The following C6orf132 variants were observed in gnomAD, a reference collection of about 807,000 sequenced individuals.
C6orf132 encodes the protein chromosome 6 open reading frame 132, also known as uncharacterized protein C6orf132.
C6orf132 carries 43 observed loss-of-function variants against 65.3 expected under a neutral mutation model. That is an observed-to-expected ratio of 0.66 (90% confidence interval 0.52 to 0.85). C6orf132 has a LOEUF of 0.85. Ranked by LOEUF, C6orf132 falls within the 40% of genes least tolerant of loss-of-function variation. The pLI is 0.00. For missense variants in C6orf132, 1,488 were observed against 1,548.8 expected, an observed-to-expected ratio of 0.96 and a Z score of 0.66; for synonymous variants, 631 against 654.1, an observed-to-expected ratio of 0.96 and a Z score of 0.54.
chr6:42,128,100 T>TTTTG (rs1554182883), intron 2 of C6orf132, among the ~76,000 whole-genome samples: 1 of 151,388 alleles, frequency 6.6e-6, no homozygotes, highest in Admixed American at 6.6e-5. Context: ...TTTTTTTTTT[T>TTTTG]TATATTTAGT....
chr6:42,126,558 C>T (rs1766768213), intron 2 of C6orf132: 1 of 185,192 alleles, frequency 5.4e-6, no homozygotes, highest in Admixed American at 6.1e-5. Flanking sequence ...TAGAGTATTT[C>T]AGGCTGGGCG....
intron 2 of C6orf132, among the ~76,000 whole-genome samples, chr6:42,110,524 ATAGTAT>A (rs374997189): frequency 5.8e-4 from 88 of 152,394 alleles, no homozygotes; most frequent in Middle Eastern, 6.8e-3. Context: ...TGCAATGAAC[ATAGTAT>A]TAGTAAATAC....
At chr6:42,130,017 A>G (rs1766826902) in intron 1 of C6orf132, among the ~76,000 whole-genome samples, 1 of 152,180 alleles carries the variant, frequency 6.6e-6, no homozygotes, top group African/African-American at 2.4e-5. Flanking sequence ...TAGCCGCAGC[A>G]CCCCATGCGA....
At chr6:42,131,679 C>T (rs909152950) in intron 1 of C6orf132, among the ~76,000 whole-genome samples, 1 of 152,204 alleles carries the variant, frequency 6.6e-6, no homozygotes, top group Non-Finnish European at 1.5e-5. Flanking sequence ...AGGATGGAGT[C>T]GGATCTGAAC....
intron 2 of C6orf132, among the ~76,000 whole-genome samples, chr6:42,123,100 G>A (rs1354645844): frequency 2.0e-5 from 3 of 152,224 alleles, no homozygotes; most frequent in African/African-American, 4.8e-5. Flanking sequence ...CAGAGGGACA[G>A]GCCGGGCGCG....
chr6:42,130,338 G>A (rs1766831985), intron 1 of C6orf132, among the ~76,000 whole-genome samples: 1 of 152,216 alleles, frequency 6.6e-6, no homozygotes, highest in Non-Finnish European at 1.5e-5. Flanking sequence ...TGTAAGATCT[G>A]ACTCAATGGG....
rs1216880822 is a variant in C6orf132, at chr6:42,104,916, G to A, written c.2996C>T (p.Pro999Leu). 1.4e-6 allele frequency: 2 copies of A among 1,454,890 alleles called. No homozygotes were observed. Among genetic ancestry groups the A allele is most frequent in the South Asian group, 2.8e-5 (2 of 71,170 alleles). 90.1% of individuals were successfully genotyped at this position (1,454,890 alleles called of 1,614,324 possible). A position where few individuals can be genotyped will look rare whatever the true frequency, so the allele number is the denominator to read the frequency against. Residue 999 changes from proline to leucine, a missense_variant, in exon 4 of 5, where the codon CCG becomes CTG. By Grantham distance (98) the Pro-to-Leu change is moderately conservative. Coordinates refer to ENST00000341865, the MANE Select transcript of C6orf132 (RefSeq NM_001164446.3). The surrounding 1 kb of genome is among the most constrained non-coding windows in gnomAD (Gnocchi z 4.1). ...GCCCAGATACTGGAGGGCCGGGGCC[G>A]GGGGCTCAGGGTCATTGCTGAACTC... ...PPEFSNDPEP[P>L]APALQYLGRQ...
chr6:42,104,623 C>A lies in C6orf132; in HGVS notation c.3289G>T (p.Gly1097Ter). Reference protein sequence around the residue: ...SSPNCFGPQPGGPEMRRVNSA... With the variant: ...SSPNCFGPQP ...TTCACGCGCCGCATCTCGGGGCCTCCGGGCTGCGGCCCGAAGCAGTTGGGA... is the reference window on the plus strand; with the variant it reads ...TTCACGCGCCGCATCTCGGGGCCTCAGGGCTGCGGCCCGAAGCAGTTGGGA... The change falls in exon 4 of 5, where the codon GGA becomes TGA. Residue 1097 changes from glycine to a stop codon, truncating the protein, a stop_gained. Coordinates refer to ENST00000341865, the MANE Select transcript of C6orf132 (RefSeq NM_001164446.3). LOFTEE classifies it high-confidence loss of function. This position sits in a 1 kb window ranked among gnomAD's most constrained non-coding sequence, Gnocchi z 4.1. 1 of 1,382,496 alleles carries A rather than the reference C, an allele frequency of 7.2e-7. No individual in the cohort carries two copies. Among genetic ancestry groups the A allele is most frequent in the Non-Finnish European group, 9.3e-7 (1 of 1,074,350 alleles). The allele number at this position is 1,382,496 out of a possible 1,614,324, so 85.6% of individuals were successfully genotyped here. A position where few individuals can be genotyped will look rare whatever the true frequency, so the allele number is the denominator to read the frequency against.
At chr6:42,126,867 A>C in intron 2 of C6orf132, 1 of 447,190 alleles carries the variant, frequency 2.2e-6, no homozygotes. Flanking sequence ...AAAAAAGAAT[A>C]TTTCAAACAA....
At chr6:42,118,311 C>G (rs1403161890) in intron 2 of C6orf132, among the ~76,000 whole-genome samples, 1 of 152,106 alleles carries the variant, frequency 6.6e-6, no homozygotes, top group Admixed American at 6.5e-5. Flanking sequence ...TTTCCAGGAG[C>G]CCCAGACCAG....
rs966627189 is a variant in C6orf132 at position 42,110,250 on chromosome 6, C to T, written c.294G>A (p.Ser98=). The change falls in exon 3 of 5, where the codon TCG becomes TCA. Residue 98 remains serine, a synonymous_variant. Coordinates refer to ENST00000341865, the MANE Select transcript of C6orf132 (RefSeq NM_001164446.3). Reference sequence around the variant, plus strand: ...CTTTGTCTGCAAAATCATCTGGAACCGAGGGGGTGGGCACAGCCAGCCCAT... The same window carrying T: ...CTTTGTCTGCAAAATCATCTGGAACTGAGGGGGTGGGCACAGCCAGCCCAT... The part of the protein sequence containing the change: ...ENHGLAVPTP[S]VPDDFADKEV... 1.6e-5 allele frequency: 24 copies of T among 1,547,864 alleles called. 1 individual carries two copies. Among genetic ancestry groups the T allele is most frequent in the Admixed American group, 5.9e-5 (3 of 50,440 alleles).
Position 42,105,006 on chromosome 6 carries a change from G to A in C6orf132, c.2906C>T (p.Ser969Phe). 6.5e-7 allele frequency: 1 copy of A among 1,526,972 alleles called. No individual in the cohort carries two copies. Among genetic ancestry groups the A allele is most frequent in the African/African-American group, 1.4e-5 (1 of 72,368 alleles). The allele number at this position is 1,526,972 out of a possible 1,614,324, so 94.6% of individuals were successfully genotyped here. The change falls in exon 4 of 5, where the codon TCT (serine) becomes TTT (phenylalanine). Residue 969 changes from serine (S) to phenylalanine (F), a missense_variant. Physicochemically the swap from Ser to Phe is radical, Grantham distance 155. Transcript: ENST00000341865. ...PLPKSFSSPP[S>F]PSNKREEEEE... Reference sequence around the variant, plus strand: ...CTCCTCCTCCCTCTTGTTCGAAGGAGAAGGTGGGGAGGAGAAGGACTTGGG... The same window carrying A: ...CTCCTCCTCCCTCTTGTTCGAAGGAAAAGGTGGGGAGGAGAAGGACTTGGG...
Position 42,105,592 on chromosome 6 carries a change from G to A in C6orf132, c.2320C>T (p.His774Tyr). The part of the protein sequence containing the change: ...EVPCLYKPHC[H>Y]QSSLSREVAV... ...ACCTCACGGCTGAGGCTGCTCTGGT[G>A]GCAGTGGGGCTTGTAGAGACATGGC... Residue 774 changes from histidine (H) to tyrosine (Y), a missense_variant, in exon 4 of 5, where the codon CAC becomes TAC. Coordinates refer to ENST00000341865, the MANE Select transcript of C6orf132 (RefSeq NM_001164446.3). 1 of 1,536,840 alleles carries A rather than the reference G, an allele frequency of 6.5e-7. No individual in the cohort carries two copies. Among genetic ancestry groups the A allele is most frequent in the Non-Finnish European group, 8.7e-7 (1 of 1,146,898 alleles).
At chr6:42,138,696 C>CG (rs1299146274) in intron 1 of C6orf132, among the ~76,000 whole-genome samples, 2 of 152,096 alleles carry the variant, frequency 1.3e-5, no homozygotes, top group African/African-American at 4.8e-5. Context: ...TTGCTGGTGG[C>CG]GGGTGCAGCG....
At position 42,104,336 on chromosome 6, in the gene C6orf132, C is replaced by A. The variant is rs1040833116; in HGVS notation, c.3449+127G>T. Reference sequence around the variant, plus strand: ...TCCCGGTAAGTGGGCCTCCCTCCCGCGTTCTACCTGCAAGGCCGAAGGGAG... The same window carrying A: ...TCCCGGTAAGTGGGCCTCCCTCCCGAGTTCTACCTGCAAGGCCGAAGGGAG... On this transcript the variant is annotated intron_variant, in intron 4 of 4. Coordinates refer to ENST00000341865, the MANE Select transcript of C6orf132 (RefSeq NM_001164446.3). This position sits in a 1 kb window ranked among gnomAD's most constrained non-coding sequence, Gnocchi z 4.1. 2 of 1,220,532 alleles carry A rather than the reference C, an allele frequency of 1.6e-6. No homozygotes were observed. Among genetic ancestry groups the A allele is most frequent in the Admixed American group, 4.3e-5 (1 of 23,420 alleles). 75.6% of individuals were successfully genotyped at this position (1,220,532 alleles called of 1,614,324 possible).
chr6:42,115,353 A>T (rs1166038585), intron 2 of C6orf132, among the ~76,000 whole-genome samples: 1 of 151,802 alleles, frequency 6.6e-6, no homozygotes, highest in East Asian at 1.9e-4. Context: ...GTACATTTTA[A>T]AATGGTTAAA....
chr6:42,106,957 C>G lies in C6orf132; in HGVS notation c.955G>C (p.Glu319Gln), dbSNP rs1318820834. The G allele has an allele frequency of 7.8e-6, 12 of 1,536,094 alleles. No individual in the cohort carries two copies. The African/African-American group carries it at 1.5e-4, about 19-fold the overall frequency. ...PVRTSSIPVQ[E>Q]AQEAPRKEEG... is the part of the protein sequence containing the mutation. ...TCCTTTCGGGGAGCCTCTTGTGCTT[C>G]CTGAACTGGGATGGACGAAGTCCTG... is the stretch of plus-strand genomic sequence containing the variant. The change falls in exon 4 of 5, where the codon GAA becomes CAA. Residue 319 changes from glutamate to glutamine, a missense_variant. Transcript: ENST00000341865.
intron 2 of C6orf132, among the ~76,000 whole-genome samples, chr6:42,115,169 A>C (rs1766546599): frequency 6.6e-6 from 1 of 151,382 alleles, no homozygotes; most frequent in South Asian, 2.1e-4. Flanking sequence ...AGGCACCTGT[A>C]ATCCCAGCTA....
rs924486706 is a variant in C6orf132, at chr6:42,106,868, G to A, written c.1044C>T (p.Pro348=). 16 of 1,535,364 alleles carry A rather than the reference G, an allele frequency of 1.0e-5. No individual in the cohort carries two copies. The highest frequency in any genetic ancestry group is 8.2e-5 in the African/African-American group (6 of 72,894). The change falls in exon 4 of 5, where the codon CCC becomes CCT. Residue 348 remains proline, a synonymous_variant. Coordinates refer to ENST00000341865, the MANE Select transcript of C6orf132 (RefSeq NM_001164446.3). ...CCCTGTCTGGGTAGACCTGGGAGGC[G>A]GGGCGGATGTGGAAGCTGGGAGGCA... The part of the protein sequence containing the change: ...LPLPPSFHIR[P]ASQVYPDRAP...
Sources: allele counts gnomAD v4.1 joint callset (sites outside exome capture counted in the v4.1 genomes callset), GRCh38; gene constraint gnomAD v4.1.1; non-coding constraint Gnocchi (gnomAD v3.1); transcripts MANE v1.5; gene names NCBI Gene and HGNC (gene_info 2026-07-23, HGNC 2026-07-21).